The following MALRD1 variants were observed in gnomAD, a reference collection of about 807,000 sequenced individuals.
The protein encoded by MALRD1 is MAM and LDL-receptor class A domain-containing protein 1.
In MALRD1, 247 loss-of-function variants were observed where a neutral mutation model predicts 242.1. The observed-to-expected ratio is 1.02, with a 90% CI of 0.92 to 1.13. MALRD1 has a LOEUF of 1.13. MALRD1 is among the 50% of genes most tolerant of loss of function. The pLI, the probability that MALRD1 is intolerant of heterozygous loss-of-function variation, is 0.00. For synonymous variants in MALRD1, 995 were observed against 866.6 expected (o/e 1.15, Z -2.60); for missense variants, 2,989 against 2,533.1 (o/e 1.18, Z -3.86).
chr10:19,295,045 C>T (rs896233083), intron 21 of MALRD1, among the ~76,000 whole-genome samples: 1 of 151,618 alleles, frequency 6.6e-6, no homozygotes, highest in African/African-American at 2.4e-5. Flanking sequence ...GTGAATGTAC[C>T]AAAATTTACT....
intron 5 of MALRD1, among the ~76,000 whole-genome samples, chr10:19,116,410 G>C (rs1408210975): frequency 6.6e-6 from 1 of 152,122 alleles, no homozygotes. Flanking sequence ...AAATAACTAA[G>C]GACCTTTTTT....
rs1249091994 is a variant in MALRD1 at position 19,486,516 on chromosome 10, T to C, written c.5030-5001T>C. Among the ~76,000 whole-genome samples, 7 of 152,276 alleles carry C rather than the reference T, an allele frequency of 4.6e-5. No individual in the cohort carries two copies. In the South Asian group the frequency reaches 8.3e-4, roughly 18 times the overall value. On this transcript the variant is annotated intron_variant, in intron 29 of 39. Coordinates refer to ENST00000454679, the MANE Select transcript of MALRD1 (RefSeq NM_001142308.3). ...CAGCCTTAGAAACCCTAATTGTTTC[T>C]TTTCAGTTGATTCCAAAGCTGAATA...
Position 19,530,401 on chromosome 10 carries a change from T to TTTATATAAA in MALRD1, c.5321-792_5321-791insTATATAAAT, listed in dbSNP as rs1834325861. Among the ~76,000 whole-genome samples the TTTATATAAA allele has an allele frequency of 1.2e-4, 4 of 34,068 alleles. 2 individuals carry two copies. Among genetic ancestry groups the TTTATATAAA allele is most frequent in the Non-Finnish European group, 2.3e-4 (4 of 17,654 alleles). 22.3% of individuals were successfully genotyped at this position (34,068 alleles called of 152,430 possible). A position where few individuals can be genotyped will look rare whatever the true frequency, so the allele number is the denominator to read the frequency against. ...TAAATATTATATATTTATATAAATATTATATATTTATATAATAATAAATAT... is the reference window on the plus strand; with the variant it reads ...TAAATATTATATATTTATATAAATATTTATATAAATATATATTTATATAATAATAAATAT... On this transcript the variant is annotated intron_variant, in intron 31 of 39. Coordinates refer to ENST00000454679, the MANE Select transcript of MALRD1 (RefSeq NM_001142308.3).
At chr10:19,159,533 A>G (rs1281545629) in intron 12 of MALRD1, among the ~76,000 whole-genome samples, 1 of 152,100 alleles carries the variant, frequency 6.6e-6, no homozygotes, top group African/African-American at 2.4e-5. Context: ...GATTTGACCA[A>G]GGAGCTCTGA....
chr10:19,306,092 T>C (rs1588884596), intron 21 of MALRD1, among the ~76,000 whole-genome samples: 1 of 113,854 alleles, frequency 8.8e-6, no homozygotes, highest in East Asian at 2.3e-4. Flanking sequence ...CTATATATAC[T>C]ATATACTAGA....
At chr10:19,106,202 A>G (rs1260502093) in intron 5 of MALRD1, among the ~76,000 whole-genome samples, 1 of 151,684 alleles carries the variant, frequency 6.6e-6, no homozygotes, top group East Asian at 1.9e-4. Context: ...TCTATTCTCT[A>G]TTTCCATGAG....
At chr10:19,366,741 C>T (rs1845127981) in intron 26 of MALRD1, among the ~76,000 whole-genome samples, 1 of 152,108 alleles carries the variant, frequency 6.6e-6, no homozygotes, top group Admixed American at 6.5e-5. Flanking sequence ...TGTATATACA[C>T]ATCTCCTTGT....
intron 18 of MALRD1, among the ~76,000 whole-genome samples, chr10:19,232,011 T>C (rs1457222566): frequency 1.3e-5 from 2 of 152,166 alleles, no homozygotes; most frequent in Non-Finnish European, 2.9e-5. Context: ...TTCTGCTCTT[T>C]TATAGAGAAA....
intron 38 of MALRD1, among the ~76,000 whole-genome samples, chr10:19,705,202 C>G (rs1243091220): frequency 6.6e-6 from 1 of 152,154 alleles, no homozygotes; most frequent in African/African-American, 2.4e-5. Flanking sequence ...GCTATCCAAG[C>G]CTGACATCCC....
intron 34 of MALRD1, among the ~76,000 whole-genome samples, chr10:19,605,360 A>C (rs954969069): frequency 6.6e-6 from 1 of 151,066 alleles, no homozygotes; most frequent in African/African-American, 2.4e-5. Context: ...TAGGGAAGGG[A>C]GTTCACCATG....
At position 19,266,024 on chromosome 10, in the gene MALRD1, A is replaced by C. The variant is rs144862686; in HGVS notation, c.3079+8253A>C. On this transcript the variant is annotated intron_variant, in intron 19 of 39. Coordinates refer to ENST00000454679, the MANE Select transcript of MALRD1 (RefSeq NM_001142308.3). Reference sequence around the variant, plus strand: ...AGTATATTTTGTCTTATGTAAGTATAGCTTCCTGTGCTCTTTTCTGGTTTG... The same window carrying C: ...AGTATATTTTGTCTTATGTAAGTATCGCTTCCTGTGCTCTTTTCTGGTTTG... 1.2e-3 allele frequency among the ~76,000 whole-genome samples: 183 copies of C among 151,982 alleles called. 1 individual carries two copies. Among genetic ancestry groups the C allele is most frequent in the Non-Finnish European group, 2.3e-3 (157 of 67,884 alleles).
chr10:19,230,988 G>A (rs1838034405), intron 18 of MALRD1, among the ~76,000 whole-genome samples: 1 of 152,094 alleles, frequency 6.6e-6, no homozygotes, highest in African/African-American at 2.4e-5. Flanking sequence ...ACTTTTATGT[G>A]TGACCCAAAT....
At chr10:19,233,298 T>C (rs888147031) in intron 18 of MALRD1, among the ~76,000 whole-genome samples, 4 of 152,104 alleles carry the variant, frequency 2.6e-5, no homozygotes, top group African/African-American at 9.7e-5. Context: ...GGTCAGGAGT[T>C]TGAGAACAGC....
chr10:19,588,440 G>A (rs1837562900), intron 33 of MALRD1, among the ~76,000 whole-genome samples: 1 of 152,160 alleles, frequency 6.6e-6, no homozygotes, highest in East Asian at 1.9e-4. Flanking sequence ...ATATGATTTG[G>A]AGTGTCCAAG....
chr10:19,273,184 C>T (rs10827200), intron 19 of MALRD1, among the ~76,000 whole-genome samples: 7,266 of 152,130 alleles, frequency 0.048, 245 homozygotes, highest in Middle Eastern at 0.075. Context: ...ATAATTTTTA[C>T]AATCTCAATA....
At chr10:19,244,525 C>T (rs1838952451) in intron 18 of MALRD1, among the ~76,000 whole-genome samples, 1 of 151,978 alleles carries the variant, frequency 6.6e-6, no homozygotes, top group Non-Finnish European at 1.5e-5. Flanking sequence ...ATGATCACGC[C>T]CTGCTCTTCA....
chr10:19,167,608 G>C (rs1245302265), intron 13 of MALRD1, among the ~76,000 whole-genome samples: 1 of 151,996 alleles, frequency 6.6e-6, no homozygotes, highest in East Asian at 1.9e-4. Context: ...ATTACCCAGG[G>C]GACAATTGAC....
chr10:19,533,297 A>C (rs967353966), intron 32 of MALRD1, among the ~76,000 whole-genome samples: 12 of 152,208 alleles, frequency 7.9e-5, no homozygotes, highest in African/African-American at 2.7e-4. Context: ...TTTGGTGCTT[A>C]CTGGTTTTTC....
chr10:19,655,530 G>GTATATATATATATA (rs56752723), intron 36 of MALRD1, among the ~76,000 whole-genome samples: 3 of 108,824 alleles, frequency 2.8e-5, no homozygotes, highest in African/African-American at 3.2e-5. Flanking sequence ...ATGTGTGAGT[G>GTATATATATATATA]TATATATATA....
Sources: gnomAD v4.1 joint callset for allele counts (sites outside exome capture counted in the v4.1 genomes callset) on GRCh38, gnomAD v4.1.1 for gene constraint, MANE v1.5 for transcripts, NCBI Gene and HGNC (gene_info 2026-07-23, HGNC 2026-07-21) for gene names.